PLCXD3: variants seen among roughly 807,000 people sequenced by gnomAD.
The protein encoded by PLCXD3 is PI-PLC X domain-containing protein 3.
In PLCXD3, 19 loss-of-function variants were observed where a neutral mutation model predicts 25.5. The observed-to-expected ratio is 0.75, with a 90% CI of 0.52 to 1.09. PLCXD3 has a LOEUF of 1.09. PLCXD3 is among the 50% of genes least tolerant of loss of function. The pLI, the probability that PLCXD3 is intolerant of heterozygous loss-of-function variation, is 0.00. For synonymous variants in PLCXD3, 174 were observed against 137.6 expected, an observed-to-expected ratio of 1.26 and a Z score of -1.85; for missense variants, 411 against 388.1, an observed-to-expected ratio of 1.06 and a Z score of -0.50.
At chr5:41,498,492 C>A (rs554658770) in intron 1 of PLCXD3, among the ~76,000 whole-genome samples, 21 of 151,700 alleles carry the variant, frequency 1.4e-4, no homozygotes, top group African/African-American at 3.6e-4. Context: ...ATGTGAACAA[C>A]CCTATAATAG....
intron 1 of PLCXD3, among the ~76,000 whole-genome samples, chr5:41,484,243 ATG>A (rs1748470430): frequency 7.7e-6 from 1 of 130,448 alleles, no homozygotes; most frequent in Non-Finnish European, 1.6e-5. Flanking sequence ...ATCCTGGAAC[ATG>A]CACACACACA....
At position 41,489,763 on chromosome 5, in the gene PLCXD3, G is replaced by C. The variant is rs916765231; in HGVS notation, c.103+20661C>G. On this transcript the variant is annotated intron_variant, in intron 1 of 2. Coordinates refer to ENST00000377801, the MANE Select transcript of PLCXD3 (RefSeq NM_001005473.3). ...CTGTTATTGGTGTATAAGAATGCTTGTGATTTTTGTACATTGATTTTGTAT... is the reference window on the plus strand; with the variant it reads ...CTGTTATTGGTGTATAAGAATGCTTCTGATTTTTGTACATTGATTTTGTAT... Among the ~76,000 whole-genome samples the C allele has an allele frequency of 9.2e-5, 14 of 151,982 alleles. No individual in the cohort carries two copies. In the South Asian group the frequency reaches 1.2e-3, roughly 14 times the overall value.
In PLCXD3 at chr5:41,428,374, G is replaced by GTTT. The variant is rs373244601; in HGVS notation, c.104-45843_104-45841dup. Among the ~76,000 whole-genome samples the GTTT allele has an allele frequency of 3.2e-3, 294 of 91,602 alleles. 57 individuals are homozygous for GTTT. The highest frequency in any genetic ancestry group is 0.014 in the Middle Eastern group (2 of 146). The allele number at this position is 91,602 out of a possible 152,430, so 60.1% of individuals were successfully genotyped here. Reference sequence around the variant, plus strand: ...TAAAGAGGTGATTAAGTTAAAATGAGTTTTTTTGTTTTTGTTTTTGTTTTT... The same window carrying GTTT: ...TAAAGAGGTGATTAAGTTAAAATGAGTTTTTTTTTTGTTTTTGTTTTTGTTTTT... On this transcript the variant is annotated intron_variant, in intron 1 of 2. Coordinates refer to ENST00000377801, the MANE Select transcript of PLCXD3 (RefSeq NM_001005473.3).
chr5:41,372,590 G>A (rs1050283117), intron 2 of PLCXD3, among the ~76,000 whole-genome samples: 62 of 151,968 alleles, frequency 4.1e-4, no homozygotes, highest in African/African-American at 1.2e-3. Flanking sequence ...GCCATACCCC[G>A]GAGGACATAG....
chr5:41,486,011 G>A (rs992748550), intron 1 of PLCXD3, among the ~76,000 whole-genome samples: 3 of 152,178 alleles, frequency 2.0e-5, no homozygotes, highest in Admixed American at 2.0e-4. Context: ...TCTCCACAGT[G>A]AGAGATAGCT....
At chr5:41,485,734 G>A (rs992738607) in intron 1 of PLCXD3, among the ~76,000 whole-genome samples, 1 of 152,112 alleles carries the variant, frequency 6.6e-6, no homozygotes, top group Non-Finnish European at 1.5e-5. Context: ...TATGCAGCCC[G>A]GTATGCATTA....
chr5:41,505,804 CTGT>C lies in PLCXD3; in HGVS notation c.103+4617_103+4619del, dbSNP rs1172365607. Among the ~76,000 whole-genome samples, 33 of 152,316 alleles carry C rather than the reference CTGT, an allele frequency of 2.2e-4. 1 individual carries two copies. In the East Asian group the frequency reaches 6.4e-3, roughly 29 times the overall value. On this transcript the variant is annotated intron_variant, in intron 1 of 2. Coordinates refer to ENST00000377801, the MANE Select transcript of PLCXD3 (RefSeq NM_001005473.3). The stretch of plus-strand genomic sequence containing the variant: ...TTTATTGCTCAAGGTACATGATGAC[CTGT>C]AATGTCAGTTATCAGAAATGTCCCT...
At chr5:41,318,583 A>G (rs568266382) in intron 2 of PLCXD3, among the ~76,000 whole-genome samples, 1 of 152,322 alleles carries the variant, frequency 6.6e-6, no homozygotes, top group South Asian at 2.1e-4. Context: ...CTAAAACCAA[A>G]AACATGCAAT....
intron 1 of PLCXD3, among the ~76,000 whole-genome samples, chr5:41,467,127 T>G (rs1173711287): frequency 2.0e-5 from 3 of 152,244 alleles, no homozygotes; most frequent in East Asian, 3.9e-4. Context: ...TTGAGTAACC[T>G]CCATACAATT....
intron 1 of PLCXD3, among the ~76,000 whole-genome samples, chr5:41,480,405 T>G (rs1313511042): frequency 1.3e-5 from 2 of 151,908 alleles, no homozygotes; most frequent in Admixed American, 1.3e-4. Context: ...TTTTTTTTTT[T>G]TTTTCATTTA....
chr5:41,419,492 A>T (rs945272686), intron 1 of PLCXD3, among the ~76,000 whole-genome samples: 5 of 152,222 alleles, frequency 3.3e-5, no homozygotes, highest in Non-Finnish European at 2.9e-5. Flanking sequence ...ATGCCAAGAC[A>T]TGGTTGAAGT....
intron 1 of PLCXD3, among the ~76,000 whole-genome samples, chr5:41,506,183 A>C (rs573541601): frequency 6.6e-6 from 1 of 152,202 alleles, no homozygotes; most frequent in Non-Finnish European, 1.5e-5. Flanking sequence ...AAGGCCTTAG[A>C]AGATTATTGT....
chr5:41,414,298 G>T (rs752183806), intron 1 of PLCXD3, among the ~76,000 whole-genome samples: 2 of 151,990 alleles, frequency 1.3e-5, no homozygotes, highest in Admixed American at 6.6e-5. Context: ...GCAATGGCGC[G>T]ATCTCGGCTC....
At chr5:41,336,643 T>C (rs1193053495) in intron 2 of PLCXD3, among the ~76,000 whole-genome samples, 1 of 152,134 alleles carries the variant, frequency 6.6e-6, no homozygotes, top group Non-Finnish European at 1.5e-5. Flanking sequence ...CAACTAAGTT[T>C]CTGTCTGAGA....
At chr5:41,483,656 A>T (rs1748460040) in intron 1 of PLCXD3, among the ~76,000 whole-genome samples, 1 of 152,144 alleles carries the variant, frequency 6.6e-6, no homozygotes, top group Non-Finnish European at 1.5e-5. Flanking sequence ...AACAATGTGA[A>T]TGTACATAAT....
intron 2 of PLCXD3, among the ~76,000 whole-genome samples, chr5:41,315,195 G>T (rs1241402498): frequency 6.6e-6 from 1 of 152,128 alleles, no homozygotes; most frequent in African/African-American, 2.4e-5. Context: ...AACTTGGTCA[G>T]GGCAGGAAGG....
chr5:41,356,268 A>AAAAC (rs975788438), intron 2 of PLCXD3, among the ~76,000 whole-genome samples: 6 of 152,192 alleles, frequency 3.9e-5, no homozygotes, highest in Non-Finnish European at 7.3e-5. Flanking sequence ...CTCTGTCTCA[A>AAAAC]AAACAAACAA....
chr5:41,472,607 C>T (rs1748189811), intron 1 of PLCXD3, among the ~76,000 whole-genome samples: 1 of 152,202 alleles, frequency 6.6e-6, no homozygotes, highest in Non-Finnish European at 1.5e-5. Flanking sequence ...ACCATCATCT[C>T]TACATAATAA....
chr5:41,344,845 T>G (rs1212991353), intron 2 of PLCXD3, among the ~76,000 whole-genome samples: 1 of 152,160 alleles, frequency 6.6e-6, no homozygotes, highest in Non-Finnish European at 1.5e-5. Flanking sequence ...TAAAGAATCA[T>G]TCATTCAATA....
Sources: allele counts gnomAD v4.1 joint callset (sites outside exome capture counted in the v4.1 genomes callset), GRCh38; gene constraint gnomAD v4.1.1; transcripts MANE v1.5; gene names NCBI Gene and HGNC (gene_info 2026-07-23, HGNC 2026-07-21).